The following PCNX4 variants were observed in gnomAD, a reference collection of about 807,000 sequenced individuals.
The protein encoded by PCNX4 is pecanex-like protein 4.
In PCNX4, 103 loss-of-function variants were observed where a neutral mutation model predicts 107.2. That is an observed-to-expected ratio of 0.96 (90% confidence interval 0.82 to 1.13). PCNX4 has a LOEUF of 1.13. Among genes scored for constraint, PCNX4 ranks in the 50% most tolerant of loss-of-function variants. The probability of loss-of-function intolerance (pLI) is 0.00; values close to 1 mark genes in which losing one functional copy is unlikely to be tolerated. For missense variants in PCNX4, 1,528 were observed against 1,379.4 expected (o/e 1.11, Z -1.71); for synonymous variants, 541 against 481.7 (o/e 1.12, Z -1.61).
rs1896284924 is a variant in PCNX4, at chr14:60,139,687, G to A, written c.*5466G>A. Reference sequence around the variant, plus strand: ...TGCAGATAGAATATTTATCAAAACTGACCATATTCCAAGTCATAGGAATGG... The same window carrying A: ...TGCAGATAGAATATTTATCAAAACTAACCATATTCCAAGTCATAGGAATGG... On this transcript the variant is annotated 3_prime_UTR_variant, in exon 11 of 11. Coordinates refer to ENST00000406854, the MANE Select transcript of PCNX4 (RefSeq NM_001330177.2). 1 of 151,956 alleles carries A rather than the reference G, an allele frequency of 6.6e-6. No individual in the cohort carries two copies. Among genetic ancestry groups the A allele is most frequent in the Admixed American group, 6.6e-5 (1 of 15,266 alleles). The allele number at this position is 151,956 out of a possible 1,614,324, so 9.4% of individuals were successfully genotyped here.
chr14:60,143,825 A>G lies in PCNX4; in HGVS notation c.*9604A>G, dbSNP rs73312107. On this transcript the variant is annotated 3_prime_UTR_variant, in exon 11 of 11. Coordinates refer to ENST00000406854, the MANE Select transcript of PCNX4 (RefSeq NM_001330177.2). ...TGTGAACTGCTTGTAGATAAGGACC[A>G]TGTTTTTCTTTACCTGTTACTCCTG... is the stretch of plus-strand genomic sequence containing the variant. The G allele has an allele frequency of 2.8e-3, 421 of 152,294 alleles. 3 individuals carry two copies. Among genetic ancestry groups the G allele is most frequent in the African/African-American group, 9.7e-3 (403 of 41,540 alleles). 9.4% of individuals were successfully genotyped at this position (152,294 alleles called of 1,614,324 possible).
In PCNX4 at chr14:60,141,102, GTC is replaced by G. The variant is rs905623520; in HGVS notation, c.*6886_*6887del. The G allele has an allele frequency of 6.6e-6, 1 of 152,200 alleles. No individual in the cohort carries two copies. Among genetic ancestry groups the G allele is most frequent in the Non-Finnish European group, 1.5e-5 (1 of 68,048 alleles). 9.4% of individuals were successfully genotyped at this position (152,200 alleles called of 1,614,324 possible). On this transcript the variant is annotated 3_prime_UTR_variant, in exon 11 of 11. Coordinates refer to ENST00000406854, the MANE Select transcript of PCNX4 (RefSeq NM_001330177.2). Reference sequence around the variant, plus strand: ...TTACTCTATTCTTGTGGTAGACAAAGTCTCTCCAAAAGCCAGATAGCCAACCC... The same window carrying G: ...TTACTCTATTCTTGTGGTAGACAAAGTCTCCAAAAGCCAGATAGCCAACCC...
At chr14:60,123,915 C>G (rs1566517698) in intron 8 of PCNX4, among the ~76,000 whole-genome samples, 5 of 151,992 alleles carry the variant, frequency 3.3e-5, no homozygotes. Context: ...TTGTGTGGCT[C>G]ACTCTTAACT....
chr14:60,118,338 A>T lies in PCNX4; in HGVS notation c.1588A>T (p.Ile530Leu). ...TGLRLLLVGI[I>L]RDRLIQFISK... ...TTTTACATTTCTACAGGTTGGTATC[A>T]TACGTGATCGTTTGATTCAGTTCAT... The change falls in exon 7 of 11, where the codon ATA (isoleucine) becomes TTA (leucine). Residue 530 changes from isoleucine to leucine, a missense_variant. Physicochemically the swap from Ile to Leu is conservative, Grantham distance 5. Coordinates refer to ENST00000406854, the MANE Select transcript of PCNX4 (RefSeq NM_001330177.2). 3.1e-6 allele frequency: 5 copies of T among 1,609,114 alleles called. No individual in the cohort carries two copies. Among genetic ancestry groups the T allele is most frequent in the Non-Finnish European group, 3.4e-6 (4 of 1,176,914 alleles).
In PCNX4 at chr14:60,146,935, A is replaced by G. The variant is rs1566528537; in HGVS notation, c.*12714A>G. ...TGGAGGAAATGGGGAGATCTTGGTC[A>G]AAAGGTACACATTTTGGCCAGGCAC... On this transcript the variant is annotated 3_prime_UTR_variant, in exon 11 of 11. Transcript: ENST00000406854. The surrounding 1 kb of genome is among the most constrained non-coding windows in gnomAD (Gnocchi z 4.9). 1 of 152,166 alleles carries G rather than the reference A, an allele frequency of 6.6e-6. No individual in the cohort carries two copies. Among genetic ancestry groups the G allele is most frequent in the South Asian group, 2.1e-4 (1 of 4,822 alleles). The allele number at this position is 152,166 out of a possible 1,614,324, so 9.4% of individuals were successfully genotyped here. A position where few individuals can be genotyped will look rare whatever the true frequency, so the allele number is the denominator to read the frequency against.
At chr14:60,100,199 A>G (rs912306208) in intron 1 of PCNX4, among the ~76,000 whole-genome samples, 1 of 152,224 alleles carries the variant, frequency 6.6e-6, no homozygotes, top group Non-Finnish European at 1.5e-5. Context: ...TCACTTCAAT[A>G]GAAAAATAGG....
intron 2 of PCNX4, chr14:60,109,980 A>G (rs1337165653): frequency 6.0e-6 from 1 of 167,136 alleles, no homozygotes; most frequent in East Asian, 1.9e-4. Flanking sequence ...AAGGAGAGAG[A>G]TGGATTGAAG....
intron 1 of PCNX4, among the ~76,000 whole-genome samples, chr14:60,099,338 T>C (rs1313727748): frequency 6.6e-6 from 1 of 152,210 alleles, no homozygotes; most frequent in Non-Finnish European, 1.5e-5. Flanking sequence ...TAAAATACTT[T>C]TTAGGAATAT....
intron 8 of PCNX4, 40 bp from the exon 9 acceptor site, chr14:60,124,174 TAATA>T: frequency 7.0e-7 from 1 of 1,420,414 alleles, no homozygotes; most frequent in East Asian, 2.5e-5. Context: ...GTATATTATG[TAATA>T]AATGATTATA....
Position 60,121,194 on chromosome 14 carries a change from AGGTC to A in PCNX4, c.1943-1_1945del. The A allele has an allele frequency of 1.1e-6, 1 of 890,708 alleles. No individual in the cohort carries two copies. The highest frequency in any genetic ancestry group is 1.5e-6 in the Non-Finnish European group (1 of 645,318). The allele number at this position is 890,708 out of a possible 1,614,324, so 55.2% of individuals were successfully genotyped here. On this transcript the variant is annotated splice_acceptor_variant and coding_sequence_variant, in exon 8 of 11. Coordinates refer to ENST00000406854, the MANE Select transcript of PCNX4 (RefSeq NM_001330177.2). LOFTEE classifies it high-confidence loss of function. ...TTTTTTTTTTTTTCTAATTTGTTGTAGGTCTCCTCCTACCTGGATCTCATTACTT... is the reference window on the plus strand; with the variant it reads ...TTTTTTTTTTTTTCTAATTTGTTGTATCCTCCTACCTGGATCTCATTACTT...
At chr14:60,121,438 G>A in intron 8 of PCNX4, 139 bp downstream of exon 8, 1 of 913,800 alleles carries the variant, frequency 1.1e-6, no homozygotes, top group Admixed American at 3.2e-5. Flanking sequence ...GATTTTTAAA[G>A]TATATTTCAA....
chr14:60,108,992 A>G (rs984610107), intron 2 of PCNX4: 1 of 166,720 alleles, frequency 6.0e-6, no homozygotes, highest in Non-Finnish European at 1.5e-5. Flanking sequence ...TCTCTCCAGA[A>G]TTCATATATT....
chr14:60,119,775 T>C (rs1895921040), intron 7 of PCNX4, among the ~76,000 whole-genome samples: 1 of 152,200 alleles, frequency 6.6e-6, no homozygotes. Flanking sequence ...CGTTATAAAG[T>C]ATTTTCTGGT....
In PCNX4 at chr14:60,124,496, G is replaced by T; in HGVS notation, c.2325G>T (p.Arg775Ser). The change falls in exon 9 of 11, where the codon AGG becomes AGT. Residue 775 changes from arginine (R) to serine (S), a missense_variant. By Grantham distance (110) the Arg-to-Ser change is moderately radical. Transcript: ENST00000406854. ...VWILVQYCSKRPGMKENVHNT... is the reference protein window; with the variant it reads ...VWILVQYCSKSPGMKENVHNT... ...TACTTGTTCAATACTGCTCCAAAAG[G>T]CCTGGCATGAAAGAGAATGTTCACA... 6.2e-7 allele frequency: 1 copy of T among 1,613,722 alleles called. No homozygotes were observed. Among genetic ancestry groups the T allele is most frequent in the South Asian group, 1.1e-5 (1 of 91,076 alleles).
chr14:60,110,970 T>A (rs1388920050), intron 2 of PCNX4: 2 of 167,034 alleles, frequency 1.2e-5, no homozygotes, highest in Non-Finnish European at 2.9e-5. Context: ...TCTGATAGGA[T>A]TAGTGCCCTT....
intron 10 of PCNX4, among the ~76,000 whole-genome samples, chr14:60,128,167 A>G (rs1225395492): frequency 6.6e-6 from 1 of 152,178 alleles, no homozygotes; most frequent in East Asian, 1.9e-4. Flanking sequence ...GAAGGGAGAA[A>G]AAAAATTATT....
Position 60,115,078 on chromosome 14 carries a change from T to C in PCNX4, c.974T>C (p.Leu325Pro). Residue 325 changes from leucine (L) to proline (P), a missense_variant, in exon 4 of 11, where the codon CTG becomes CCG. Leu to Pro is a moderately conservative substitution (Grantham distance 98, BLOSUM62 -3). Transcript: ENST00000406854. ...VLFMTGFGFL[L>P]SLNLSDMGHK... ...TTCATGACTGGATTTGGTTTCTTGC[T>C]GAGTCTGAACTTAAGTGATATGGGT... The C allele has an allele frequency of 4.3e-6, 7 of 1,613,936 alleles. No homozygotes were observed. Among genetic ancestry groups the C allele is most frequent in the Non-Finnish European group, 5.9e-6 (7 of 1,179,862 alleles).
Position 60,146,174 on chromosome 14 carries a change from A to G in PCNX4, c.*11953A>G, listed in dbSNP as rs1227338431. On this transcript the variant is annotated 3_prime_UTR_variant, in exon 11 of 11. Coordinates refer to ENST00000406854, the MANE Select transcript of PCNX4 (RefSeq NM_001330177.2). The surrounding 1 kb of genome is among the most constrained non-coding windows in gnomAD (Gnocchi z 4.9). ...AAGTAGTAAGACTATATAATAAGCA[A>G]TATTTCAAAGATGGTGGTAGGAAGA... The G allele has an allele frequency of 6.6e-6, 1 of 152,040 alleles. No individual in the cohort carries two copies. Among genetic ancestry groups the G allele is most frequent in the Non-Finnish European group, 1.5e-5 (1 of 67,974 alleles). 9.4% of individuals were successfully genotyped at this position (152,040 alleles called of 1,614,324 possible). A position where few individuals can be genotyped will look rare whatever the true frequency, so the allele number is the denominator to read the frequency against.
intron 1 of PCNX4, among the ~76,000 whole-genome samples, chr14:60,102,004 T>C (rs902526756): frequency 2.0e-5 from 3 of 152,234 alleles, no homozygotes; most frequent in South Asian, 2.1e-4. Flanking sequence ...ATTCCACTTA[T>C]GTGAGGTATC....
Sources: allele counts gnomAD v4.1 joint callset (sites outside exome capture counted in the v4.1 genomes callset), GRCh38; gene constraint gnomAD v4.1.1; non-coding constraint Gnocchi (gnomAD v3.1); transcripts MANE v1.5; gene names NCBI Gene and HGNC (gene_info 2026-07-23, HGNC 2026-07-21).